Variants in NLGN4X observed in about 807,000 individuals in gnomAD.
The protein encoded by NLGN4X is neuroligin 4 X-linked.
NLGN4X carries 3 observed loss-of-function variants against 40.3 expected under a neutral mutation model. The ratio of observed to expected loss-of-function variants is 0.07; its 90% confidence interval spans 0.03 to 0.19. The LOEUF (loss-of-function observed/expected upper bound fraction) is 0.19. Ranked by LOEUF, NLGN4X falls within the 10% of genes least tolerant of loss-of-function variation. The pLI is 1.00. For synonymous variants in NLGN4X, 270 were observed against 306.8 expected, an observed-to-expected ratio of 0.88 and a Z score of 1.25; for missense variants, 382 against 708.3, an observed-to-expected ratio of 0.54 and a Z score of 5.23.
chrX:5,986,613 A>G (rs2035536399), intron 3 of NLGN4X, among the ~76,000 whole-genome samples: 1 of 112,198 alleles, frequency 8.9e-6, no homozygotes, highest in East Asian at 2.8e-4. Flanking sequence ...CATTAAAAAC[A>G]TGGAAGGAAA....
chrX:6,210,698 C>T (rs1339373223), intron 1 of NLGN4X, among the ~76,000 whole-genome samples: 1 of 111,855 alleles, frequency 8.9e-6, no homozygotes, highest in Non-Finnish European at 1.9e-5. Flanking sequence ...ATTCTAAAAC[C>T]CACTTTCATG....
intron 1 of NLGN4X, among the ~76,000 whole-genome samples, chrX:6,181,239 G>A (rs1054014000): frequency 1.8e-5 from 2 of 111,420 alleles, no homozygotes; most frequent in Non-Finnish European, 3.8e-5. Flanking sequence ...AGTGTTTCAT[G>A]ACTGCTTTAG....
rs749066992 is a variant in NLGN4X, at chrX:6,214,568, T to C, written c.-306+13973A>G. Among the ~76,000 whole-genome samples the C allele has an allele frequency of 5.4e-3, 599 of 111,216 alleles. 1 individual carries two copies. Among genetic ancestry groups the C allele is most frequent in the Non-Finnish European group, 9.0e-3 (475 of 53,018 alleles). The stretch of plus-strand genomic sequence containing the variant: ...TGATTATATCTCCCAGGACTAAACA[T>C]AGATGGAGAGAGAAGTAGAATCCAC... On this transcript the variant is annotated intron_variant, in intron 1 of 5. Coordinates refer to ENST00000381095, the MANE Select transcript of NLGN4X (RefSeq NM_181332.3).
Position 5,890,800 on chromosome X carries a change from G to A in NLGN4X, c.*2017C>T. On this transcript the variant is annotated 3_prime_UTR_variant, in exon 6 of 6. Transcript: ENST00000381095. Reference sequence around the variant, plus strand: ...AAATTTAACCCAAGATAAGCAATAGGATTTGGGGGTGACTTGTACGCATTT... The same window carrying A: ...AAATTTAACCCAAGATAAGCAATAGAATTTGGGGGTGACTTGTACGCATTT... 3 of 302,291 alleles carry A rather than the reference G, an allele frequency of 9.9e-6. No homozygotes were observed. The highest frequency in any genetic ancestry group is 6.3e-6 in the Non-Finnish European group (1 of 159,698). The allele number at this position is 302,291 out of a possible 1,213,427, so 24.9% of individuals were successfully genotyped here.
chrX:6,056,384 G>A (rs1602145448), intron 2 of NLGN4X, among the ~76,000 whole-genome samples: 1 of 109,649 alleles, frequency 9.1e-6, no homozygotes, highest in Non-Finnish European at 1.9e-5. Context: ...GCTGAGGCAG[G>A]AGAACTGTTT....
At chrX:6,215,189 G>T (rs1424101763) in intron 1 of NLGN4X, among the ~76,000 whole-genome samples, 1 of 112,186 alleles carries the variant, frequency 8.9e-6, no homozygotes, top group African/African-American at 3.2e-5. Context: ...TCATGAACTG[G>T]CGTAAGCAGA....
intron 3 of NLGN4X, among the ~76,000 whole-genome samples, chrX:6,002,497 A>G (rs2035996275): frequency 1.8e-5 from 2 of 112,540 alleles, no homozygotes; most frequent in Admixed American, 1.9e-4. Context: ...TTTACATCTG[A>G]GCTCAAAAGA....
chrX:5,899,658 T>C (rs1419825325), intron 5 of NLGN4X, among the ~76,000 whole-genome samples: 1 of 109,122 alleles, frequency 9.2e-6, no homozygotes, highest in Non-Finnish European at 1.9e-5. Context: ...ATGGAACTAA[T>C]TAACTTCCTT....
At chrX:6,180,726 T>TA (rs1297639802) in intron 1 of NLGN4X, among the ~76,000 whole-genome samples, 8 of 108,817 alleles carry the variant, frequency 7.4e-5, no homozygotes, top group African/African-American at 2.0e-4. Flanking sequence ...AGAACTGTAC[T>TA]AAAAAAAAAT....
chrX:6,126,731 T>G (rs1264097607), intron 2 of NLGN4X, among the ~76,000 whole-genome samples: 2 of 112,198 alleles, frequency 1.8e-5, no homozygotes, highest in African/African-American at 6.5e-5. Context: ...AACCAACATT[T>G]CAATAAATAC....
intron 1 of NLGN4X, among the ~76,000 whole-genome samples, chrX:6,220,866 T>C (rs1001482946): frequency 9.4e-6 from 1 of 105,878 alleles, no homozygotes; most frequent in Non-Finnish European, 1.9e-5. Flanking sequence ...GCCTCCTGTA[T>C]AGCTGGGATT....
intron 2 of NLGN4X, among the ~76,000 whole-genome samples, chrX:6,031,498 T>A (rs181534493): frequency 9.0e-6 from 1 of 111,246 alleles, no homozygotes; most frequent in East Asian, 2.9e-4. Flanking sequence ...AGATTTCTTT[T>A]CTTGGAGAAC....
intron 3 of NLGN4X, among the ~76,000 whole-genome samples, chrX:6,009,831 C>G (rs1161156547): frequency 9.8e-5 from 11 of 112,531 alleles, no homozygotes; most frequent in Non-Finnish European, 1.3e-4. Flanking sequence ...TTTCACAACA[C>G]AGGGGGCCCC....
intron 3 of NLGN4X, among the ~76,000 whole-genome samples, chrX:5,969,103 A>G (rs2034931314): frequency 9.0e-6 from 1 of 110,516 alleles, no homozygotes; most frequent in Admixed American, 9.7e-5. Flanking sequence ...CATTCAGGAC[A>G]TAGGCATGGG....
chrX:6,223,722 G>T (rs975522088), intron 1 of NLGN4X, among the ~76,000 whole-genome samples: 3 of 112,742 alleles, frequency 2.7e-5, no homozygotes, highest in Non-Finnish European at 5.6e-5. Flanking sequence ...TGCCTCAGCA[G>T]CCTGGGCTTC....
intron 2 of NLGN4X, among the ~76,000 whole-genome samples, chrX:6,072,190 C>T (rs761365931): frequency 2.7e-5 from 3 of 110,970 alleles, no homozygotes; most frequent in East Asian, 2.8e-4. Context: ...CTTCAGCATG[C>T]CTTTTTTCTT....
In NLGN4X at chrX:6,161,043, T is replaced by TAC. The variant is rs2040377996; in HGVS notation, c.-305-9273_-305-9272insGT. 7.3e-5 allele frequency among the ~76,000 whole-genome samples: 7 copies of TAC among 95,253 alleles called. No individual in the cohort carries two copies. In the South Asian group the frequency reaches 2.9e-3, roughly 39 times the overall value. 82.7% of individuals were successfully genotyped at this position (95,253 alleles called of 115,157 possible). On this transcript the variant is annotated intron_variant, in intron 1 of 5. Transcript: ENST00000381095. ...ATATAGGATATAAAATATATTATTC[T>TAC]ATATATAATATAGGATATAAAATAT...
intron 2 of NLGN4X, among the ~76,000 whole-genome samples, chrX:6,134,990 G>T (rs1453926342): frequency 8.9e-6 from 1 of 112,827 alleles, no homozygotes; most frequent in Non-Finnish European, 1.9e-5. Flanking sequence ...CCAAATTCAT[G>T]TTCACCAGAT....
At chrX:6,133,571 T>C (rs1249514143) in intron 2 of NLGN4X, among the ~76,000 whole-genome samples, 2 of 111,869 alleles carry the variant, frequency 1.8e-5, no homozygotes, top group Non-Finnish European at 3.8e-5. Flanking sequence ...TCACGTCCAA[T>C]TTTCTGTTTC....
Sources: gnomAD v4.1 joint callset for allele counts (sites outside exome capture counted in the v4.1 genomes callset) on GRCh38, gnomAD v4.1.1 for gene constraint, MANE v1.5 for transcripts, NCBI Gene and HGNC (gene_info 2026-07-23, HGNC 2026-07-21) for gene names.